The following IL7 variants were observed in gnomAD, a reference collection of about 807,000 sequenced individuals.
The protein encoded by IL7 is interleukin-7.
Under a neutral mutation model 21.6 loss-of-function variants are expected in IL7, and 3 were observed. That is an observed-to-expected ratio of 0.14 (90% confidence interval 0.06 to 0.36). IL7 has a LOEUF of 0.36. Among genes scored for constraint, IL7 ranks in the 10% least tolerant of loss-of-function variants. The pLI is 1.00. For missense variants in IL7, 175 were observed against 200.2 expected, an observed-to-expected ratio of 0.87 and a Z score of 0.76; for synonymous variants, 62 against 68.1, an observed-to-expected ratio of 0.91 and a Z score of 0.44.
At chr8:78,741,423 T>C (rs1030226377) in intron 2 of IL7, among the ~76,000 whole-genome samples, 2 of 152,196 alleles carry the variant, frequency 1.3e-5, no homozygotes, top group African/African-American at 2.4e-5. Context: ...TGATAAAACA[T>C]AGAGTATTTA....
intron 2 of IL7, among the ~76,000 whole-genome samples, chr8:78,766,429 T>A (rs1812755106): frequency 6.6e-6 from 1 of 152,146 alleles, no homozygotes; most frequent in Non-Finnish European, 1.5e-5. Context: ...AAGGAGTATA[T>A]GAGACCTCTA....
intron 2 of IL7, among the ~76,000 whole-genome samples, chr8:78,767,219 AGTGT>A (rs200713800): frequency 6.6e-6 from 1 of 150,942 alleles, no homozygotes; most frequent in Non-Finnish European, 1.5e-5. Context: ...AGTGTGAGTG[AGTGT>A]GTGTGTGTGT....
intron 2 of IL7, among the ~76,000 whole-genome samples, chr8:78,759,292 AC>A (rs1354743964): frequency 5.3e-5 from 8 of 150,946 alleles, no homozygotes; most frequent in Admixed American, 5.3e-4. Flanking sequence ...GATTTTCTTC[AC>A]CAAAAATAAC....
chr8:78,786,084 G>A (rs987975148), intron 2 of IL7, among the ~76,000 whole-genome samples: 1 of 152,170 alleles, frequency 6.6e-6, no homozygotes, highest in Admixed American at 6.5e-5. Context: ...GTGATACTGT[G>A]AAATACAGTT....
chr8:78,701,203 T>G (rs917634144), intron 3 of IL7, among the ~76,000 whole-genome samples: 1 of 152,198 alleles, frequency 6.6e-6, no homozygotes, highest in African/African-American at 2.4e-5. Context: ...GTATAGATCT[T>G]TCACCTCCCC....
At chr8:78,702,476 A>C (rs1810636183) in intron 3 of IL7, among the ~76,000 whole-genome samples, 1 of 151,916 alleles carries the variant, frequency 6.6e-6, no homozygotes, top group African/African-American at 2.4e-5. Flanking sequence ...TTTAGCTCTG[A>C]TTTTGACTAT....
At chr8:78,691,604 G>A (rs1387564893) in intron 3 of IL7, among the ~76,000 whole-genome samples, 2 of 151,938 alleles carry the variant, frequency 1.3e-5, no homozygotes, top group African/African-American at 4.8e-5. Flanking sequence ...GTTTAGGTCT[G>A]CCATCTGTTT....
intron 2 of IL7, among the ~76,000 whole-genome samples, chr8:78,748,624 G>C (rs1287847392): frequency 6.6e-6 from 1 of 152,150 alleles, no homozygotes; most frequent in Non-Finnish European, 1.5e-5. Context: ...AATAGAAGAA[G>C]AGGTGGAGTG....
downstream of IL7, among the ~76,000 whole-genome samples, chr8:78,730,715 T>G (rs571200912): frequency 6.6e-6 from 1 of 151,918 alleles, no homozygotes; most frequent in African/African-American, 2.4e-5. Flanking sequence ...CTTTTCCCCT[T>G]AGGAGCTGAA....
At chr8:78,753,372 A>T (rs976266310) in intron 2 of IL7, among the ~76,000 whole-genome samples, 2 of 151,806 alleles carry the variant, frequency 1.3e-5, no homozygotes, top group African/African-American at 4.8e-5. Context: ...TTGGCCGCAT[A>T]AATTTGAAAA....
chr8:78,760,429 G>C, intron 2 of IL7: 1 of 1,592,830 alleles, frequency 6.3e-7, no homozygotes, highest in Non-Finnish European at 8.5e-7. Context: ...CAGGCAGTTG[G>C]AGGGCTTCAT....
At chr8:78,686,257 G>T (rs959372317) in intron 3 of IL7, among the ~76,000 whole-genome samples, 2 of 152,078 alleles carry the variant, frequency 1.3e-5, no homozygotes, top group African/African-American at 2.4e-5. Flanking sequence ...TGTCTTTCGC[G>T]ATGACACTTA....
chr8:78,787,592 G>C (rs1272112770), intron 2 of IL7, among the ~76,000 whole-genome samples: 1 of 152,108 alleles, frequency 6.6e-6, no homozygotes, highest in African/African-American at 2.4e-5. Flanking sequence ...CATGGTGTAT[G>C]GTGAGCTGGC....
At chr8:78,679,990 G>A (rs1428710199) in intron 4 of IL7, among the ~76,000 whole-genome samples, 1 of 152,062 alleles carries the variant, frequency 6.6e-6, no homozygotes, top group Non-Finnish European at 1.5e-5. Context: ...TGTTAAAATT[G>A]GCTCAAGAGT....
At chr8:78,768,593 C>T (rs1394394162) in intron 2 of IL7, among the ~76,000 whole-genome samples, 2 of 150,896 alleles carry the variant, frequency 1.3e-5, no homozygotes, top group African/African-American at 4.9e-5. Context: ...CTGTTCATGT[C>T]CTTTGCCCAC....
At chr8:78,727,171 G>T (rs886602943) in intron 3 of IL7, among the ~76,000 whole-genome samples, 2 of 151,850 alleles carry the variant, frequency 1.3e-5, no homozygotes, top group African/African-American at 4.8e-5. Context: ...CTTTCAGCTT[G>T]CCAGTGCCCA....
chr8:78,768,414 A>G (rs1225501285), intron 2 of IL7, among the ~76,000 whole-genome samples: 1 of 148,656 alleles, frequency 6.7e-6, no homozygotes, highest in Non-Finnish European at 1.5e-5. Flanking sequence ...CTATTTCTCC[A>G]CATCCTCTCC....
chr8:78,680,710 A>T (rs1809748714), intron 4 of IL7, among the ~76,000 whole-genome samples: 1 of 152,202 alleles, frequency 6.6e-6, no homozygotes, highest in Non-Finnish European at 1.5e-5. Context: ...AATCCAGGAG[A>T]AATTACCCGT....
At chr8:78,745,588 T>G (rs2130713415) in intron 2 of IL7, among the ~76,000 whole-genome samples, 1 of 152,374 alleles carries the variant, frequency 6.6e-6, no homozygotes, top group Non-Finnish European at 1.5e-5. Flanking sequence ...TTGCCTATTT[T>G]GTGTTAATTC....
Sources: allele counts gnomAD v4.1 joint callset (sites outside exome capture counted in the v4.1 genomes callset), GRCh38; gene constraint gnomAD v4.1.1; transcripts MANE v1.5; gene names NCBI Gene and HGNC (gene_info 2026-07-23, HGNC 2026-07-21).